DPY19L2: variants seen among roughly 807,000 people sequenced by gnomAD.
DPY19L2 encodes dpy-19 like 2, also known as probable C-mannosyltransferase DPY19L2.
DPY19L2 carries 34 observed loss-of-function variants against 97.9 expected under a neutral mutation model. The observed-to-expected ratio is 0.35, with a 90% CI of 0.26 to 0.46. The LOEUF is 0.46. Among genes scored for constraint, DPY19L2 ranks in the 20% least tolerant of loss-of-function variants. The pLI, the probability that DPY19L2 is intolerant of heterozygous loss-of-function variation, is 1.00. For missense variants in DPY19L2, 623 were observed against 911.4 expected, an observed-to-expected ratio of 0.68 and a Z score of 4.07; for synonymous variants, 230 against 307.9, an observed-to-expected ratio of 0.75 and a Z score of 2.65.
chr12:63,654,224 A>G (rs1340955484), intron 4 of DPY19L2, among the ~76,000 whole-genome samples: 1 of 152,138 alleles, frequency 6.6e-6, no homozygotes, highest in East Asian at 1.9e-4. Context: ...CGAGTTTAAA[A>G]TAAGTTTGAT....
intron 19 of DPY19L2, among the ~76,000 whole-genome samples, chr12:63,574,719 A>G (rs1210937837): frequency 6.6e-6 from 1 of 152,084 alleles, no homozygotes; most frequent in Non-Finnish European, 1.5e-5. Context: ...AAAGAAAGTC[A>G]TTATATAATG....
chr12:63,611,384 A>G (rs192058479), intron 11 of DPY19L2, among the ~76,000 whole-genome samples: 2,218 of 151,768 alleles, frequency 0.015, 44 homozygotes, highest in Non-Finnish European at 0.02. Flanking sequence ...AAAAGTCACA[A>G]AGCCTGGCAT....
At position 63,647,377 on chromosome 12, in the gene DPY19L2, T is replaced by TA; in HGVS notation, c.589-13dup. The TA allele has an allele frequency of 2.0e-6, 3 of 1,494,546 alleles. No homozygotes were observed. Among genetic ancestry groups the TA allele is most frequent in the Middle Eastern group, 1.8e-4 (1 of 5,698 alleles). The allele number at this position is 1,494,546 out of a possible 1,614,324, so 92.6% of individuals were successfully genotyped here. ...GAGGCTATGATTACCTTAAAAAAGA[T>TA]AAAAACAAAGAGATAATTGAGGTAA... is the stretch of plus-strand genomic sequence containing the variant. On this transcript the variant is annotated splice_polypyrimidine_tract_variant and intron_variant, in intron 4 of 21. Transcript: ENST00000324472.
rs143010664 is a variant in DPY19L2, at chr12:63,658,044, C to T, written c.588+3300G>A. On this transcript the variant is annotated intron_variant, in intron 4 of 21. Coordinates refer to ENST00000324472, the MANE Select transcript of DPY19L2 (RefSeq NM_173812.5). ...AAAAGGTGTTATATTGCAGTTTGTCCGGCTATTTTCCTTGTTGTAGGAATG... is the reference window on the plus strand; with the variant it reads ...AAAAGGTGTTATATTGCAGTTTGTCTGGCTATTTTCCTTGTTGTAGGAATG... Among the ~76,000 whole-genome samples the T allele has an allele frequency of 5.9e-3, 901 of 152,084 alleles. 1 individual carries two copies. The highest frequency in any genetic ancestry group is 0.021 in the African/African-American group (859 of 41,448).
chr12:63,562,414 A>G (rs2137238554), intron 21 of DPY19L2, among the ~76,000 whole-genome samples: 1 of 147,850 alleles, frequency 6.8e-6, no homozygotes, highest in Non-Finnish European at 1.5e-5. Flanking sequence ...GTGTGTTTAT[A>G]CATTCATCTG....
At chr12:63,618,518 T>C (rs1199497140) in intron 9 of DPY19L2, among the ~76,000 whole-genome samples, 2 of 152,150 alleles carry the variant, frequency 1.3e-5, no homozygotes, top group Non-Finnish European at 2.9e-5. Flanking sequence ...AGGCCACTTT[T>C]CTCCCAGAGG....
intron 15 of DPY19L2, among the ~76,000 whole-genome samples, 170 bp downstream of exon 15, chr12:63,595,796 T>A: frequency 6.6e-6 from 1 of 152,162 alleles, no homozygotes; most frequent in Non-Finnish European, 1.5e-5. Flanking sequence ...TAAGAATACC[T>A]TTTATCATGG....
chr12:63,644,698 GTA>G (rs1468387453), intron 5 of DPY19L2, among the ~76,000 whole-genome samples: 1 of 151,730 alleles, frequency 6.6e-6, no homozygotes, highest in African/African-American at 2.4e-5. Context: ...ATGTATGTGT[GTA>G]TATATATGTG....
At position 63,588,758 on chromosome 12, in the gene DPY19L2, T is replaced by TG. The variant is rs1261040108; in HGVS notation, c.1581-4923_1581-4922insC. On this transcript the variant is annotated intron_variant, in intron 16 of 21. Transcript: ENST00000324472. ...AAAGGAAACTTTCTTTTTTTTTTTT[T>TG]TTTTTTGTTTTTTGAGACGGAGTCT... 6.1e-5 allele frequency among the ~76,000 whole-genome samples: 9 copies of TG among 148,436 alleles called. No homozygotes were observed. In the South Asian group the frequency reaches 6.4e-4, roughly 11 times the overall value.
At chr12:63,564,421 G>A (rs1030869033) in intron 21 of DPY19L2, among the ~76,000 whole-genome samples, 10 of 151,986 alleles carry the variant, frequency 6.6e-5, no homozygotes, top group African/African-American at 7.3e-5. Flanking sequence ...ATAGCGGGAT[G>A]GTGTTCTCAT....
intron 15 of DPY19L2, among the ~76,000 whole-genome samples, chr12:63,594,845 G>T (rs1276232780): frequency 2.6e-5 from 4 of 152,046 alleles, no homozygotes; most frequent in African/African-American, 4.8e-5. Context: ...TCATGCATTG[G>T]CCCCTCTAAG....
At chr12:63,644,970 A>G (rs1173606864) in intron 5 of DPY19L2, among the ~76,000 whole-genome samples, 1 of 152,088 alleles carries the variant, frequency 6.6e-6, no homozygotes, top group Non-Finnish European at 1.5e-5. Context: ...GGTTCTAGGA[A>G]GAGTTAAGAT....
chr12:63,591,998 GGGGAAGGGA>G (rs1883074026), intron 16 of DPY19L2, among the ~76,000 whole-genome samples: 1 of 20,062 alleles, frequency 5.0e-5, no homozygotes. Context: ...AGGGAAGGGA[GGGGAAGGGA>G]GGGGAGGGGA....
intron 4 of DPY19L2, among the ~76,000 whole-genome samples, chr12:63,658,507 A>T (rs1418700536): frequency 6.6e-6 from 1 of 152,176 alleles, no homozygotes; most frequent in Non-Finnish European, 1.5e-5. Flanking sequence ...ACAAACAAAA[A>T]GAAACCAAAC....
intron 13 of DPY19L2, among the ~76,000 whole-genome samples, chr12:63,599,505 T>A (rs1158191754): frequency 3.9e-5 from 6 of 152,142 alleles, no homozygotes; most frequent in Admixed American, 3.9e-4. Context: ...AGAGATAGCA[T>A]TTGACCTTTT....
Position 63,626,501 on chromosome 12 carries a change from T to C in DPY19L2, c.829A>G (p.Thr277Ala), listed in dbSNP as rs1254780787. The C allele has an allele frequency of 6.4e-7, 1 of 1,556,166 alleles. No homozygotes were observed. Among genetic ancestry groups the C allele is most frequent in the Non-Finnish European group, 8.6e-7 (1 of 1,160,924 alleles). The change falls in exon 7 of 22, where the codon ACA (threonine) becomes GCA (alanine). Residue 277 changes from threonine (T) to alanine (A), a missense_variant. This residue lies in a region of DPY19L2 where 67 missense variants were observed against 88.0 expected (regional missense o/e 0.76). Coordinates refer to ENST00000324472, the MANE Select transcript of DPY19L2 (RefSeq NM_173812.5). ...TGGTTGAAAAAGAAGCACAGTACTGTAATAAGACCTCCCAGTTGAGTCCCA... is the reference window on the plus strand; with the variant it reads ...TGGTTGAAAAAGAAGCACAGTACTGCAATAAGACCTCCCAGTTGAGTCCCA... ...LSGTQLGGLI[T>A]VLCFFFNHGE...
intron 4 of DPY19L2, among the ~76,000 whole-genome samples, chr12:63,656,237 T>C (rs547170790): frequency 6.6e-6 from 1 of 152,196 alleles, no homozygotes; most frequent in Non-Finnish European, 1.5e-5. Context: ...GTGTTTATAC[T>C]TGGGAATCTG....
chr12:63,592,173 G>T (rs1883208949), intron 16 of DPY19L2, among the ~76,000 whole-genome samples: 1 of 148,598 alleles, frequency 6.7e-6, no homozygotes, highest in Admixed American at 6.7e-5. Context: ...CAGGAAAGAA[G>T]GAAGGGAGGA....
intron 16 of DPY19L2, among the ~76,000 whole-genome samples, chr12:63,585,186 G>T (rs537431524): frequency 6.6e-6 from 1 of 152,168 alleles, no homozygotes; most frequent in South Asian, 2.1e-4. Flanking sequence ...AAGACAAGAG[G>T]TAGGAGACTG....
Sources: allele counts gnomAD v4.1 joint callset (sites outside exome capture counted in the v4.1 genomes callset), GRCh38; gene constraint gnomAD v4.1.1; regional missense constraint gnomAD v4.1.1; transcripts MANE v1.5; gene names NCBI Gene and HGNC (gene_info 2026-07-23, HGNC 2026-07-21).